The following ULK4 variants were observed in gnomAD, a reference collection of about 807,000 sequenced individuals.
ULK4 encodes unc-51 like kinase 4.
ULK4 carries 133 observed loss-of-function variants against 160.6 expected under a neutral mutation model. That is an observed-to-expected ratio of 0.83 (90% CI 0.72 to 0.96). The LOEUF (loss-of-function observed/expected upper bound fraction) is 0.96. Among genes scored for constraint, ULK4 ranks in the 40% least tolerant of loss-of-function variants. ULK4 has a pLI of 0.00. For missense variants in ULK4, 1,580 were observed against 1,499.5 expected (o/e 1.05, Z -0.89); for synonymous variants, 534 against 539.8 (o/e 0.99, Z 0.15).
intron 29 of ULK4, among the ~76,000 whole-genome samples, chr3:41,666,512 C>T (rs1419296328): frequency 6.6e-6 from 1 of 152,128 alleles, no homozygotes; most frequent in African/African-American, 2.4e-5. Context: ...AATAAGAATC[C>T]TCTTCCACTG....
At chr3:41,313,926 G>T (rs1464650530) in intron 35 of ULK4, among the ~76,000 whole-genome samples, 3 of 152,192 alleles carry the variant, frequency 2.0e-5, no homozygotes, top group Admixed American at 2.0e-4. Flanking sequence ...TAGAGCTCGT[G>T]AGATGGCCTT....
chr3:41,794,652 C>G (rs1198179693), intron 20 of ULK4, among the ~76,000 whole-genome samples: 2 of 33,552 alleles, frequency 6.0e-5, no homozygotes, highest in African/African-American at 2.3e-4. Flanking sequence ...CAGAGCAAGA[C>G]TCTGTCTCAA....
At chr3:41,768,922 T>A (rs1242988312) in intron 21 of ULK4, among the ~76,000 whole-genome samples, 1 of 152,124 alleles carries the variant, frequency 6.6e-6, no homozygotes, top group Non-Finnish European at 1.5e-5. Flanking sequence ...GCTTTTCAAC[T>A]TACAATAAGG....
rs376174405 is a variant in ULK4 at position 41,420,518 on chromosome 3, T to C, written c.3493-22254A>G. ...TTTTTTTTGAGATGGAGTCTCACTC[T>C]GTCACCCAGGCTGGAGTGCAGTGGT... On this transcript the variant is annotated intron_variant, in intron 34 of 36. Transcript: ENST00000301831. Among the ~76,000 whole-genome samples the C allele has an allele frequency of 9.5e-5, 12 of 126,766 alleles. No individual in the cohort carries two copies. The Middle Eastern group carries it at 0.017, about 179-fold the overall frequency. The allele number at this position is 126,766 out of a possible 152,430, so 83.2% of individuals were successfully genotyped here.
At chr3:41,897,061 C>A (rs1425102226) in intron 14 of ULK4, 58 bp from the exon 15 acceptor site, 1 of 1,449,846 alleles carries the variant, frequency 6.9e-7, no homozygotes, top group East Asian at 2.3e-5. Flanking sequence ...CTGCTGGAAA[C>A]ATTACATAAG....
At chr3:41,438,453 C>T (rs1223025379) in intron 34 of ULK4, among the ~76,000 whole-genome samples, 6 of 152,124 alleles carry the variant, frequency 3.9e-5, no homozygotes, top group Admixed American at 2.6e-4. Flanking sequence ...AATTTGCACC[C>T]TTCCCCAGTA....
chr3:41,551,785 C>T (rs1315934076), intron 32 of ULK4, among the ~76,000 whole-genome samples: 2 of 151,828 alleles, frequency 1.3e-5, no homozygotes, highest in Non-Finnish European at 2.9e-5. Flanking sequence ...GCCAGCATTA[C>T]CAAATCCAGA....
In ULK4 at chr3:41,783,248, G is replaced by A. The variant is rs115335293; in HGVS notation, c.2193+6413C>T. Among the ~76,000 whole-genome samples the A allele has an allele frequency of 1.7e-3, 253 of 151,998 alleles. 1 individual carries two copies. The highest frequency in any genetic ancestry group is 3.7e-3 in the African/African-American group (154 of 41,436). On this transcript the variant is annotated intron_variant, in intron 21 of 36. Coordinates refer to ENST00000301831, the MANE Select transcript of ULK4 (RefSeq NM_017886.4). The stretch of plus-strand genomic sequence containing the variant: ...TTTCTTTTTTTATTTAAATAGAGAC[G>A]GAGTCTTAGCCAGAGCAGTGGCTCA...
chr3:41,265,812 G>A (rs768204264), intron 35 of ULK4, among the ~76,000 whole-genome samples: 3 of 152,150 alleles, frequency 2.0e-5, no homozygotes, highest in Non-Finnish European at 2.9e-5. Flanking sequence ...GAAGGGAATC[G>A]TGAAATCTGT....
At chr3:41,898,214 T>C (rs556086613) in intron 14 of ULK4, among the ~76,000 whole-genome samples, 1 of 152,238 alleles carries the variant, frequency 6.6e-6, no homozygotes, top group East Asian at 1.9e-4. Context: ...CCACCCACAA[T>C]AGGACTGGGC....
At chr3:41,626,826 A>T (rs2033537844) in intron 30 of ULK4, among the ~76,000 whole-genome samples, 1 of 152,150 alleles carries the variant, frequency 6.6e-6, no homozygotes, top group South Asian at 2.1e-4. Flanking sequence ...GTGCCTGGCC[A>T]AAAGTACACT....
At chr3:41,494,752 G>A (rs941719464) in intron 32 of ULK4, among the ~76,000 whole-genome samples, 9 of 152,156 alleles carry the variant, frequency 5.9e-5, no homozygotes, top group East Asian at 1.9e-4. Flanking sequence ...CAAAATCAAT[G>A]TGCAAAAATC....
At chr3:41,767,500 G>C (rs2039206962) in intron 21 of ULK4, among the ~76,000 whole-genome samples, 1 of 152,050 alleles carries the variant, frequency 6.6e-6, no homozygotes, top group Non-Finnish European at 1.5e-5. Flanking sequence ...ATTTACAGCT[G>C]TTTCTTTCCT....
At chr3:41,264,017 G>C (rs1427917514) in intron 35 of ULK4, among the ~76,000 whole-genome samples, 1 of 152,114 alleles carries the variant, frequency 6.6e-6, no homozygotes, top group Non-Finnish European at 1.5e-5. Context: ...GTAAAGGAGG[G>C]GAGAGAAGAA....
rs959014591 is a variant in ULK4, at chr3:41,561,945, G to T, written c.3226+4080C>A. Among the ~76,000 whole-genome samples the T allele has an allele frequency of 5.5e-4, 84 of 152,234 alleles. 1 individual carries two copies. The highest frequency in any genetic ancestry group is 1.6e-4 in the Non-Finnish European group (11 of 68,012). On this transcript the variant is annotated intron_variant, in intron 32 of 36. Coordinates refer to ENST00000301831, the MANE Select transcript of ULK4 (RefSeq NM_017886.4). ...TCTTGCTTCTCTAGTTCTTTTAATT[G>T]TGATGTTAGGGTGCAGATTTTAGAT...
chr3:41,746,199 G>A (rs2038412351), intron 22 of ULK4, among the ~76,000 whole-genome samples: 2 of 130,094 alleles, frequency 1.5e-5, no homozygotes, highest in African/African-American at 6.1e-5. Flanking sequence ...ACACAAACAA[G>A]AGAGAAGAAA....
intron 35 of ULK4, among the ~76,000 whole-genome samples, chr3:41,348,562 C>T (rs995563674): frequency 6.6e-6 from 1 of 152,134 alleles, no homozygotes; most frequent in Non-Finnish European, 1.5e-5. Context: ...CCTTCTGCCT[C>T]CAAAGTCCTA....
chr3:41,644,427 C>A (rs1241627315), intron 30 of ULK4, among the ~76,000 whole-genome samples: 1 of 151,966 alleles, frequency 6.6e-6, no homozygotes, highest in Admixed American at 6.6e-5. Flanking sequence ...TGTCAAAGGC[C>A]TTTTCTGCAT....
chr3:41,412,287 TTAAA>T (rs59166515), intron 34 of ULK4, among the ~76,000 whole-genome samples: 32,746 of 151,836 alleles, frequency 0.22, 3,918 homozygotes, highest in African/African-American at 0.32. Flanking sequence ...TAAAAAGGAC[TTAAA>T]TAAATGGAAA....
Sources: gnomAD v4.1 joint callset for allele counts (sites outside exome capture counted in the v4.1 genomes callset) on GRCh38, gnomAD v4.1.1 for gene constraint, MANE v1.5 for transcripts, NCBI Gene and HGNC (gene_info 2026-07-23, HGNC 2026-07-21) for gene names.